Variants in PHLDB2 observed in about 807,000 individuals in gnomAD.
PHLDB2 encodes the protein pleckstrin homology-like domain family B member 2.
In PHLDB2, 71 loss-of-function variants were observed where a neutral mutation model predicts 123.6. That is an observed-to-expected ratio of 0.57 (90% CI 0.47 to 0.70). The LOEUF (loss-of-function observed/expected upper bound fraction) is 0.70, where lower values mean the gene tolerates loss of function less well. Among genes scored for constraint, PHLDB2 ranks in the 30% least tolerant of loss-of-function variants. The pLI, the probability that PHLDB2 is intolerant of heterozygous loss-of-function variation, is 0.00. For missense variants in PHLDB2, 1,446 were observed against 1,519.5 expected (o/e 0.95, Z 0.80); for synonymous variants, 547 against 541.6 (o/e 1.01, Z -0.14).
At chr3:111,920,634 T>C (rs1353314704) in intron 5 of PHLDB2, among the ~76,000 whole-genome samples, 1 of 152,210 alleles carries the variant, frequency 6.6e-6, no homozygotes, top group African/African-American at 2.4e-5. Flanking sequence ...AGAGTTCATA[T>C]AATTTGTGAG....
At chr3:111,871,664 A>G (rs201272828) in intron 1 of PHLDB2, among the ~76,000 whole-genome samples, 262 of 151,976 alleles carry the variant, frequency 1.7e-3, no homozygotes, top group African/African-American at 6.0e-3. Context: ...AAACAAACAA[A>G]AAAAACTCCA....
chr3:111,765,298 GGAA>G (rs1291317257), intron 1 of PHLDB2, among the ~76,000 whole-genome samples: 1 of 152,192 alleles, frequency 6.6e-6, no homozygotes, highest in Non-Finnish European at 1.5e-5. Context: ...AAACACCAAT[GGAA>G]GAAGATCATG....
intron 1 of PHLDB2, among the ~76,000 whole-genome samples, chr3:111,748,129 T>A (rs1430623892): frequency 9.9e-6 from 1 of 100,794 alleles, no homozygotes; most frequent in East Asian, 3.1e-4. Flanking sequence ...AGGCCTGGTG[T>A]ATGGGAAAAA....
At chr3:111,964,137 GGGA>G (rs1372866676) in intron 13 of PHLDB2, among the ~76,000 whole-genome samples, 1 of 152,074 alleles carries the variant, frequency 6.6e-6, no homozygotes, top group Non-Finnish European at 1.5e-5. Context: ...TCTGACCATG[GGGA>G]TTAGTTATCT....
At position 111,919,113 on chromosome 3, in the gene PHLDB2, G is replaced by C; in HGVS notation, c.1761G>C (p.Leu587Phe). The C allele has an allele frequency of 2.5e-6, 4 of 1,614,016 alleles. No homozygotes were observed. Among genetic ancestry groups the C allele is most frequent in the Middle Eastern group, 1.6e-4 (1 of 6,062 alleles). Residue 587 changes from leucine (L) to phenylalanine (F), a missense_variant, in exon 4 of 18, where the codon TTG becomes TTC. This residue lies in a region of PHLDB2 where 832 missense variants were observed against 831.9 expected (regional missense o/e 1.00). Coordinates refer to ENST00000431670, the MANE Select transcript of PHLDB2 (RefSeq NM_001134438.2). ...GTGAAGAACAGAGATCTCAGGAGTT[G>C]GCTGCAATGGAAGAAACCCGGATAG... The part of the protein sequence containing the change: ...GISEEQRSQE[L>F]AAMEETRIVI...
chr3:111,866,930 G>GGTGTGTGTGTGTGTGT (rs3082321), intron 1 of PHLDB2, among the ~76,000 whole-genome samples: 1,390 of 126,006 alleles, frequency 0.011, 26 homozygotes, highest in Non-Finnish European at 0.017. Context: ...GTTTCTAAGG[G>GGTGTGTGTGTGTGTGT]GTGTGTGTGT....
intron 1 of PHLDB2, among the ~76,000 whole-genome samples, chr3:111,752,310 T>C (rs1257135136): frequency 2.0e-5 from 3 of 152,080 alleles, no homozygotes; most frequent in Non-Finnish European, 4.4e-5. Flanking sequence ...TACTAAACTC[T>C]AAAATTCTAT....
Position 111,919,130 on chromosome 3 carries a change from C to A in PHLDB2, c.1778C>A (p.Thr593Asn). Reference sequence around the variant, plus strand: ...CAGGAGTTGGCTGCAATGGAAGAAACCCGGATAGTCATTCTGAACAACCTC... The same window carrying A: ...CAGGAGTTGGCTGCAATGGAAGAAAACCGGATAGTCATTCTGAACAACCTC... ...RSQELAAMEETRIVILNNLEE... is the reference protein window; with the variant it reads ...RSQELAAMEENRIVILNNLEE... Residue 593 changes from threonine (T) to asparagine (N), a missense_variant, in exon 4 of 18, where the codon ACC (threonine) becomes AAC (asparagine). Thr to Asn is a moderately conservative substitution (Grantham distance 65, BLOSUM62 0). Coordinates refer to ENST00000431670, the MANE Select transcript of PHLDB2 (RefSeq NM_001134438.2). The A allele has an allele frequency of 6.2e-7, 1 of 1,613,950 alleles. No homozygotes were observed. Among genetic ancestry groups the A allele is most frequent in the Non-Finnish European group, 8.5e-7 (1 of 1,179,800 alleles).
intron 1 of PHLDB2, among the ~76,000 whole-genome samples, chr3:111,824,294 C>T (rs1461223374): frequency 1.3e-5 from 2 of 152,152 alleles, no homozygotes; most frequent in Admixed American, 6.6e-5. Flanking sequence ...ACTGCATAGG[C>T]CTACTCCTCC....
Position 111,876,791 on chromosome 3 carries a change from A to G in PHLDB2, c.-14-7273A>G, listed in dbSNP as rs77111736. On this transcript the variant is annotated intron_variant, in intron 1 of 17. Coordinates refer to ENST00000431670, the MANE Select transcript of PHLDB2 (RefSeq NM_001134438.2). ...TGTGTCCATGTGTTCTCGTTGATCA[A>G]CTCCCACTTATGAGTGAGAACATGC... Among the ~76,000 whole-genome samples the G allele has an allele frequency of 5.9e-5, 9 of 151,430 alleles. No individual in the cohort carries two copies. In the South Asian group the frequency reaches 1.9e-3, roughly 32 times the overall value.
At chr3:111,837,672 C>A (rs917735396) in intron 1 of PHLDB2, among the ~76,000 whole-genome samples, 9 of 152,148 alleles carry the variant, frequency 5.9e-5, no homozygotes, top group African/African-American at 2.2e-4. Flanking sequence ...CTGTGGGACA[C>A]AATTTCTCAA....
intron 12 of PHLDB2, among the ~76,000 whole-genome samples, chr3:111,955,834 C>T (rs1290628985): frequency 6.6e-6 from 1 of 152,210 alleles, no homozygotes; most frequent in East Asian, 1.9e-4. Context: ...TTTTCATGTA[C>T]TTCAGGTGTT....
At chr3:111,828,072 C>T (rs376970774) in intron 1 of PHLDB2, among the ~76,000 whole-genome samples, 1 of 152,350 alleles carries the variant, frequency 6.6e-6, no homozygotes, top group East Asian at 1.9e-4. Flanking sequence ...AGGGGCCTGC[C>T]TCTGTAAACC....
chr3:111,913,915 G>C (rs1046896773), intron 3 of PHLDB2: 3 of 594,180 alleles, frequency 5.0e-6, no homozygotes, highest in Non-Finnish European at 8.6e-6. Context: ...CAGCACAGAA[G>C]AGTAGAAAGA....
intron 1 of PHLDB2, among the ~76,000 whole-genome samples, chr3:111,753,579 C>T (rs1475127110): frequency 2.0e-5 from 3 of 152,180 alleles, no homozygotes; most frequent in Non-Finnish European, 4.4e-5. Context: ...GTTGCGAAAA[C>T]TTTCTCCCAT....
chr3:111,792,006 A>G (rs2060947993), intron 1 of PHLDB2, among the ~76,000 whole-genome samples: 1 of 152,220 alleles, frequency 6.6e-6, no homozygotes, highest in Non-Finnish European at 1.5e-5. Context: ...GCCTCTGGTA[A>G]CCATCATTCT....
intron 12 of PHLDB2, among the ~76,000 whole-genome samples, chr3:111,955,342 T>C (rs989013840): frequency 6.6e-6 from 1 of 152,162 alleles, no homozygotes; most frequent in Non-Finnish European, 1.5e-5. Context: ...AAACATATTC[T>C]TTTGATGTTT....
Position 111,919,182 on chromosome 3 carries a change from C to T in PHLDB2, c.1830C>T (p.Asp610=). The change falls in exon 4 of 18, where the codon GAC becomes GAT. Residue 610 remains aspartate (D), a synonymous_variant. Coordinates refer to ENST00000431670, the MANE Select transcript of PHLDB2 (RefSeq NM_001134438.2). Reference sequence around the variant, plus strand: ...AGGAACTTAAGCAAAAAATCAAAGACATAAATGATCAGATGGATGAGTCTT... The same window carrying T: ...AGGAACTTAAGCAAAAAATCAAAGATATAAATGATCAGATGGATGAGTCTT... The part of the protein sequence containing the change: ...NLEELKQKIK[D]INDQMDESFR... 3 of 1,614,118 alleles carry T rather than the reference C, an allele frequency of 1.9e-6. No individual in the cohort carries two copies. The highest frequency in any genetic ancestry group is 2.5e-6 in the Non-Finnish European group (3 of 1,179,952).
chr3:111,894,649 C>G (rs1484827031), intron 2 of PHLDB2, among the ~76,000 whole-genome samples: 1 of 151,330 alleles, frequency 6.6e-6, no homozygotes, highest in African/African-American at 2.4e-5. Flanking sequence ...ATTTGCATTT[C>G]TCTACTGACC....
Sources: allele counts gnomAD v4.1 joint callset (sites outside exome capture counted in the v4.1 genomes callset), GRCh38; gene constraint gnomAD v4.1.1; regional missense constraint gnomAD v4.1.1; transcripts MANE v1.5; gene names NCBI Gene and HGNC (gene_info 2026-07-23, HGNC 2026-07-21).